CNTNAP2: variants seen among roughly 807,000 people sequenced by gnomAD.
The protein encoded by CNTNAP2 is contactin associated protein 2, also known as contactin-associated protein-like 2.
In CNTNAP2, 98 loss-of-function variants were observed where a neutral mutation model predicts 155.2. That is an observed-to-expected ratio of 0.63 (90% CI 0.54 to 0.75). The LOEUF (loss-of-function observed/expected upper bound fraction) is 0.75. CNTNAP2 is among the 30% of genes least tolerant of loss of function. The probability of loss-of-function intolerance (pLI) is 0.00; values close to 1 mark genes in which losing one functional copy is unlikely to be tolerated. For synonymous variants in CNTNAP2, 651 were observed against 631.2 expected, an observed-to-expected ratio of 1.03 and a Z score of -0.47; for missense variants, 1,727 against 1,688.1, an observed-to-expected ratio of 1.02 and a Z score of -0.40.
intron 13 of CNTNAP2, among the ~76,000 whole-genome samples, chr7:147,754,873 A>G (rs1797193149): frequency 6.6e-6 from 1 of 152,234 alleles, no homozygotes; most frequent in African/African-American, 2.4e-5. Context: ...CATGTGGACT[A>G]TATTTTCAAC....
At chr7:146,803,165 C>T (rs1039438581) in intron 2 of CNTNAP2, among the ~76,000 whole-genome samples, 2 of 151,928 alleles carry the variant, frequency 1.3e-5, no homozygotes, top group Non-Finnish European at 2.9e-5. Context: ...AATGAACGTG[C>T]ACGTCTAAAA....
intron 3 of CNTNAP2, among the ~76,000 whole-genome samples, chr7:147,028,124 TG>T (rs1798958403): frequency 6.6e-6 from 1 of 152,074 alleles, no homozygotes; most frequent in Non-Finnish European, 1.5e-5. Flanking sequence ...AGAATACAAA[TG>T]GGATCACAGT....
At chr7:147,250,823 G>A (rs903680983) in intron 8 of CNTNAP2, among the ~76,000 whole-genome samples, 9 of 152,082 alleles carry the variant, frequency 5.9e-5, no homozygotes, top group South Asian at 2.1e-4. Context: ...GAGGGGCTCC[G>A]GCTGAGCAGT....
At chr7:147,539,572 T>C (rs851827) in intron 11 of CNTNAP2, among the ~76,000 whole-genome samples, 35,015 of 152,172 alleles carry the variant, frequency 0.23, 4,846 homozygotes, top group Non-Finnish European at 0.31. Context: ...AATTGTGTTG[T>C]GTTTTTACCC....
At chr7:147,105,395 C>T (rs999002284) in intron 4 of CNTNAP2, among the ~76,000 whole-genome samples, 1 of 151,924 alleles carries the variant, frequency 6.6e-6, no homozygotes, top group Admixed American at 6.6e-5. Flanking sequence ...TTCAACCATA[C>T]ATATTTAATC....
At chr7:147,418,476 C>A (rs141038425) in intron 10 of CNTNAP2, among the ~76,000 whole-genome samples, 3 of 152,154 alleles carry the variant, frequency 2.0e-5, no homozygotes, top group African/African-American at 7.2e-5. Flanking sequence ...TGGGCTTGTT[C>A]ATCTTACACA....
chr7:146,484,892 A>T (rs948688824), intron 1 of CNTNAP2, among the ~76,000 whole-genome samples: 3 of 152,070 alleles, frequency 2.0e-5, no homozygotes, highest in African/African-American at 7.2e-5. Flanking sequence ...AAATATAGTT[A>T]TTTTCTGTTT....
intron 12 of CNTNAP2, among the ~76,000 whole-genome samples, chr7:147,587,467 A>T (rs74327904): frequency 6.6e-6 from 1 of 152,192 alleles, no homozygotes; most frequent in African/African-American, 2.4e-5. Context: ...TGCTTTGCTT[A>T]CATTTCAGCA....
chr7:147,977,697 G>A (rs1486758296), intron 14 of CNTNAP2, among the ~76,000 whole-genome samples, 165 bp from the exon 15 acceptor site: 1 of 152,164 alleles, frequency 6.6e-6, no homozygotes, highest in Non-Finnish European at 1.5e-5. Flanking sequence ...TGTGCTATGA[G>A]ACCACCTATG....
chr7:146,953,272 A>G (rs571535979), intron 3 of CNTNAP2, among the ~76,000 whole-genome samples: 19 of 152,028 alleles, frequency 1.2e-4, no homozygotes, highest in Non-Finnish European at 2.4e-4. Flanking sequence ...TAAGGATTAA[A>G]GTTACCAAAC....
intron 1 of CNTNAP2, among the ~76,000 whole-genome samples, chr7:146,551,464 G>T (rs914005295): frequency 5.9e-5 from 9 of 151,968 alleles, no homozygotes; most frequent in African/African-American, 1.5e-4. Flanking sequence ...CAAAGGACAT[G>T]AACTCATCAT....
chr7:146,810,573 T>C (rs544054452), intron 2 of CNTNAP2, among the ~76,000 whole-genome samples: 7 of 152,090 alleles, frequency 4.6e-5, no homozygotes, highest in Non-Finnish European at 7.4e-5. Flanking sequence ...TATGGTATTA[T>C]GTCCTCCACA....
In CNTNAP2 at chr7:147,362,379, C is replaced by T. The variant is rs113858477; in HGVS notation, c.1499-33230C>T. Among the ~76,000 whole-genome samples, 75 of 152,298 alleles carry T rather than the reference C, an allele frequency of 4.9e-4. 1 individual carries two copies. The highest frequency in any genetic ancestry group is 1.8e-3 in the African/African-American group (73 of 41,572). Reference sequence around the variant, plus strand: ...CAGACTCCTGAGCCCAAGAGATCCTCCTGCCTCGGCCACACAAAGTGCTCG... The same window carrying T: ...CAGACTCCTGAGCCCAAGAGATCCTTCTGCCTCGGCCACACAAAGTGCTCG... On this transcript the variant is annotated intron_variant, in intron 9 of 23. Transcript: ENST00000361727.
intron 3 of CNTNAP2, among the ~76,000 whole-genome samples, chr7:146,941,312 A>T (rs1220495184): frequency 6.6e-6 from 1 of 152,062 alleles, no homozygotes; most frequent in Non-Finnish European, 1.5e-5. Flanking sequence ...GTCATCTTAC[A>T]GTTATAACAG....
intron 1 of CNTNAP2, among the ~76,000 whole-genome samples, chr7:146,734,576 A>G (rs1044237616): frequency 2.6e-5 from 4 of 152,170 alleles, no homozygotes; most frequent in Non-Finnish European, 5.9e-5. Context: ...TTCTGAGGAA[A>G]TCAACATATC....
chr7:147,296,007 A>G (rs1397144017), intron 8 of CNTNAP2, among the ~76,000 whole-genome samples: 1 of 152,222 alleles, frequency 6.6e-6, no homozygotes, highest in Non-Finnish European at 1.5e-5. Context: ...TGAAAAATTA[A>G]AAGGAAGATG....
rs186185982 is a variant in CNTNAP2 at position 147,182,483 on chromosome 7, G to A, written c.1348+49974G>A. Among the ~76,000 whole-genome samples the A allele has an allele frequency of 2.1e-3, 326 of 151,918 alleles. 4 individuals carry two copies. Among genetic ancestry groups the A allele is most frequent in the Non-Finnish European group, 7.7e-4 (52 of 67,940 alleles). On this transcript the variant is annotated intron_variant, in intron 8 of 23. Transcript: ENST00000361727. The stretch of plus-strand genomic sequence containing the variant: ...TGTAACTTTATTAACCCTATACTAA[G>A]CACATTAGTTTCATTTTTGAACCTT...
chr7:147,081,547 G>T (rs1013817720), intron 4 of CNTNAP2: 2 of 151,018 alleles, frequency 1.3e-5, no homozygotes, highest in African/African-American at 4.9e-5. Flanking sequence ...CTCCTGAGTA[G>T]CTGGGACTAC....
intron 23 of CNTNAP2, among the ~76,000 whole-genome samples, chr7:148,413,447 T>TATATATATATATATA (rs1563079560): frequency 8.6e-6 from 1 of 116,152 alleles, no homozygotes; most frequent in Non-Finnish European, 1.8e-5. Context: ...TATATATATA[T>TATATATATATATATA]TGCTCCATAG....
Sources: gnomAD v4.1 joint callset for allele counts (sites outside exome capture counted in the v4.1 genomes callset) on GRCh38, gnomAD v4.1.1 for gene constraint, MANE v1.5 for transcripts, NCBI Gene and HGNC (gene_info 2026-07-23, HGNC 2026-07-21) for gene names.